Variants in RGS20 observed in about 807,000 individuals in gnomAD.
RGS20 encodes the protein gz-selective GTPase-activating protein.
In RGS20, 30 loss-of-function variants were observed where a neutral mutation model predicts 33.6. That is an observed-to-expected ratio of 0.89 (90% CI 0.67 to 1.21). The LOEUF (loss-of-function observed/expected upper bound fraction) is 1.21. Among genes scored for constraint, RGS20 ranks in the 50% most tolerant of loss-of-function variants. RGS20 has a pLI of 0.00. For missense variants in RGS20, 472 were observed against 502.4 expected, an observed-to-expected ratio of 0.94 and a Z score of 0.58; for synonymous variants, 208 against 197.9, an observed-to-expected ratio of 1.05 and a Z score of -0.43.
intron 2 of RGS20, among the ~76,000 whole-genome samples, chr8:53,893,715 G>A (rs1193292389): frequency 1.3e-5 from 2 of 152,076 alleles, no homozygotes; most frequent in Non-Finnish European, 2.9e-5. Flanking sequence ...AGTTGCCTTC[G>A]GCCCCTTGAG....
At chr8:53,898,513 T>C (rs936035428) in intron 2 of RGS20, among the ~76,000 whole-genome samples, 1 of 152,216 alleles carries the variant, frequency 6.6e-6, no homozygotes, top group African/African-American at 2.4e-5. Flanking sequence ...TTGTGGAGGA[T>C]TTAAATTCAT....
chr8:53,924,314 C>A (rs927715408), intron 2 of RGS20, among the ~76,000 whole-genome samples: 3 of 152,024 alleles, frequency 2.0e-5, no homozygotes, highest in African/African-American at 7.2e-5. Flanking sequence ...CTCAGCCTCC[C>A]AGATAGCTGG....
At chr8:53,858,913 C>A (rs60505646) in intron 1 of RGS20, among the ~76,000 whole-genome samples, 264 of 126,494 alleles carry the variant, frequency 2.1e-3, no homozygotes, top group African/African-American at 7.9e-3. Flanking sequence ...AAAAAAAAAA[C>A]CGCGGGGGGT....
At position 53,915,007 on chromosome 8, in the gene RGS20, T is replaced by C. The variant is rs13257382; in HGVS notation, c.511-24569T>C. On this transcript the variant is annotated intron_variant, in intron 2 of 5. Transcript: ENST00000297313. Reference sequence around the variant, plus strand: ...TAAAACTACAAAAATTAGCTGGGTGTGGTGATGCACGCCTGTAATCCCAGT... The same window carrying C: ...TAAAACTACAAAAATTAGCTGGGTGCGGTGATGCACGCCTGTAATCCCAGT... Among the ~76,000 whole-genome samples the C allele has an allele frequency of 1.8e-3, 278 of 152,064 alleles. 1 individual carries two copies. The highest frequency in any genetic ancestry group is 0.01 in the Middle Eastern group (3 of 294).
At chr8:53,875,109 G>T (rs536056303) in intron 1 of RGS20, among the ~76,000 whole-genome samples, 1 of 152,256 alleles carries the variant, frequency 6.6e-6, no homozygotes, top group East Asian at 1.9e-4. Context: ...AATAACAAGG[G>T]TTCAGTTTTT....
chr8:53,881,282 G>A (rs1280470562), intron 2 of RGS20, among the ~76,000 whole-genome samples, 198 bp downstream of exon 1: 1 of 152,060 alleles, frequency 6.6e-6, no homozygotes. Flanking sequence ...GGCTGCGAGT[G>A]CGTCCGCGTG....
At chr8:53,928,909 C>A (rs1335286701) in intron 2 of RGS20, among the ~76,000 whole-genome samples, 5 of 152,096 alleles carry the variant, frequency 3.3e-5, no homozygotes, top group African/African-American at 1.2e-4. Flanking sequence ...AGGTCTAAGT[C>A]CATCAACAGG....
chr8:53,940,239 G>A (rs761420114), intron 3 of RGS20, among the ~76,000 whole-genome samples: 3 of 152,036 alleles, frequency 2.0e-5, no homozygotes, highest in Non-Finnish European at 4.4e-5. Flanking sequence ...GGTAGAGGAA[G>A]ACACACAGAC....
In RGS20 at chr8:53,885,231, C is replaced by T. The variant is rs568085458; in HGVS notation, c.510+5629C>T. On this transcript the variant is annotated intron_variant, in intron 2 of 5. Coordinates refer to ENST00000297313, the MANE Select transcript of RGS20 (RefSeq NM_170587.4). Reference sequence around the variant, plus strand: ...TGAAATCCTGCTGTTCTTTTATTTCCGCATGTGGGCATCTAACCACATTCA... The same window carrying T: ...TGAAATCCTGCTGTTCTTTTATTTCTGCATGTGGGCATCTAACCACATTCA... Among the ~76,000 whole-genome samples, 11 of 152,276 alleles carry T rather than the reference C, an allele frequency of 7.2e-5. No homozygotes were observed. The South Asian group carries it at 1.9e-3, about 26-fold the overall frequency.
At chr8:53,954,435 G>T in intron 5 of RGS20, 125 bp downstream of exon 4, 1 of 621,766 alleles carries the variant, frequency 1.6e-6, no homozygotes, top group Non-Finnish European at 2.8e-6. Flanking sequence ...AGGCTGAGGC[G>T]GGCGGATCAC....
chr8:53,872,703 T>A lies in RGS20; in HGVS notation c.166-6555T>A, dbSNP rs540834841. Reference sequence around the variant, plus strand: ...ATGTCTCTCTTACAAGCACTTTGAGTGGCAGCAGCAGAAATCAAGTGAGAG... The same window carrying A: ...ATGTCTCTCTTACAAGCACTTTGAGAGGCAGCAGCAGAAATCAAGTGAGAG... On this transcript the variant is annotated intron_variant, in intron 1 of 5. Transcript: ENST00000297313. 4.3e-4 allele frequency among the ~76,000 whole-genome samples: 65 copies of A among 152,228 alleles called. 1 individual carries two copies. The highest frequency in any genetic ancestry group is 1.3e-3 in the African/African-American group (56 of 41,536).
At chr8:53,929,257 T>C (rs1813887930) in intron 2 of RGS20, among the ~76,000 whole-genome samples, 1 of 152,182 alleles carries the variant, frequency 6.6e-6, no homozygotes, top group Non-Finnish European at 1.5e-5. Flanking sequence ...CAGGTATACA[T>C]ATGAAAACTT....
intron 2 of RGS20, among the ~76,000 whole-genome samples, chr8:53,891,763 T>C (rs1421265992): frequency 6.6e-6 from 1 of 152,308 alleles, no homozygotes; most frequent in Admixed American, 6.5e-5. Context: ...TTTGTGAGTG[T>C]AAAATGTAAT....
chr8:53,872,329 T>C (rs1383075095), intron 1 of RGS20, among the ~76,000 whole-genome samples: 1 of 152,162 alleles, frequency 6.6e-6, no homozygotes, highest in East Asian at 1.9e-4. Context: ...AAACTAGATG[T>C]CTCTCTTGCT....
chr8:53,896,657 A>G (rs1386399293), intron 2 of RGS20, among the ~76,000 whole-genome samples: 2 of 152,260 alleles, frequency 1.3e-5, no homozygotes, highest in Non-Finnish European at 2.9e-5. Context: ...CAGAAAACCA[A>G]TTAAAGGCAA....
At chr8:53,889,862 G>A (rs759939033) in intron 2 of RGS20, among the ~76,000 whole-genome samples, 2 of 151,898 alleles carry the variant, frequency 1.3e-5, no homozygotes, top group Non-Finnish European at 2.9e-5. Context: ...TTCTTTGAAG[G>A]TAGCCTGTTG....
intron 1 of RGS20, among the ~76,000 whole-genome samples, chr8:53,874,363 A>T: frequency 7.2e-6 from 1 of 139,612 alleles, no homozygotes; most frequent in East Asian, 2.1e-4. Context: ...CAGAAGCAAT[A>T]AGGGGTGTGT....
At chr8:53,870,716 C>G (rs1354478930) in intron 1 of RGS20, among the ~76,000 whole-genome samples, 1 of 152,122 alleles carries the variant, frequency 6.6e-6, no homozygotes, top group Non-Finnish European at 1.5e-5. Flanking sequence ...TTTGAGACAG[C>G]CTGTGGACTG....
chr8:53,945,962 C>T (rs780043924), intron 3 of RGS20, among the ~76,000 whole-genome samples: 5 of 151,480 alleles, frequency 3.3e-5, no homozygotes, highest in Non-Finnish European at 7.4e-5. Context: ...ATTCCATTTA[C>T]GATAACAACA....
Sources: gnomAD v4.1 joint callset for allele counts (sites outside exome capture counted in the v4.1 genomes callset) on GRCh38, gnomAD v4.1.1 for gene constraint, MANE v1.5 for transcripts, NCBI Gene and HGNC (gene_info 2026-07-23, HGNC 2026-07-21) for gene names.